The following KCNAB1 variants were observed in gnomAD, a reference collection of about 807,000 sequenced individuals.
KCNAB1 encodes voltage-gated potassium channel subunit beta-1.
A neutral mutation model predicts 64.6 loss-of-function variants in KCNAB1; 35 were observed. The ratio of observed to expected loss-of-function variants is 0.54; its 90% CI spans 0.41 to 0.72. The LOEUF is 0.72. KCNAB1 is among the 30% of genes least tolerant of loss of function. KCNAB1 has a pLI of 0.00. For missense variants in KCNAB1, 401 were observed against 512.9 expected (o/e 0.78, Z 2.11); for synonymous variants, 177 against 183.8 (o/e 0.96, Z 0.30).
intron 1 of KCNAB1, chr3:156,291,530 C>A (rs1560177785): frequency 1.8e-6 from 2 of 1,094,238 alleles, no homozygotes; most frequent in Non-Finnish European, 2.2e-6. Flanking sequence ...CGAAGGGCTG[C>A]GTGCAGTCAC....
intron 8 of KCNAB1, among the ~76,000 whole-genome samples, chr3:156,478,961 C>G (rs1329245477): frequency 1.3e-5 from 2 of 152,104 alleles, no homozygotes; most frequent in East Asian, 1.9e-4. Flanking sequence ...AATCTGCAAC[C>G]CCATGGAATA....
chr3:156,131,155 G>T (rs1477466751), intron 1 of KCNAB1, among the ~76,000 whole-genome samples: 1 of 152,184 alleles, frequency 6.6e-6, no homozygotes, highest in Non-Finnish European at 1.5e-5. Context: ...CTAATGTCCT[G>T]CCAGGGATTT....
chr3:156,172,477 G>A (rs564570886), intron 1 of KCNAB1, among the ~76,000 whole-genome samples: 4 of 152,154 alleles, frequency 2.6e-5, no homozygotes, highest in East Asian at 3.9e-4. Context: ...ACAGGGTTTC[G>A]CCATGTTGGC....
At chr3:156,307,588 T>C (rs1721590778) in intron 1 of KCNAB1, among the ~76,000 whole-genome samples, 1 of 152,116 alleles carries the variant, frequency 6.6e-6, no homozygotes, top group Admixed American at 6.5e-5. Context: ...ATTCTGGTGC[T>C]GTCATTTCCC....
intron 2 of KCNAB1, among the ~76,000 whole-genome samples, chr3:156,432,803 A>C (rs2108245838): frequency 6.6e-6 from 1 of 152,228 alleles, no homozygotes; most frequent in South Asian, 2.1e-4. Flanking sequence ...CTCTCTGAAG[A>C]ATAGAGGACA....
intron 2 of KCNAB1, among the ~76,000 whole-genome samples, chr3:156,434,186 G>C (rs138188998): frequency 1.1e-3 from 174 of 152,252 alleles, no homozygotes; most frequent in African/African-American, 3.9e-3. Flanking sequence ...TTGTGTGATT[G>C]GGAGTCATGA....
chr3:156,354,428 T>C (rs764430974), intron 1 of KCNAB1, among the ~76,000 whole-genome samples: 6 of 151,796 alleles, frequency 4.0e-5, no homozygotes, highest in Non-Finnish European at 5.9e-5. Context: ...CCCAAAGTGC[T>C]GGGATTACAG....
chr3:156,287,574 A>G (rs1319699966), intron 1 of KCNAB1, among the ~76,000 whole-genome samples: 1 of 152,130 alleles, frequency 6.6e-6, no homozygotes, highest in Non-Finnish European at 1.5e-5. Context: ...ACTCACACCT[A>G]TAATCCCCGT....
At chr3:156,521,156 G>T (rs1717916903) in intron 11 of KCNAB1, among the ~76,000 whole-genome samples, 1 of 152,222 alleles carries the variant, frequency 6.6e-6, no homozygotes, top group African/African-American at 2.4e-5. Flanking sequence ...AATATTTAAT[G>T]AGTATACCCA....
At chr3:156,143,566 C>CTTTTT in intron 1 of KCNAB1, 1 of 159,604 alleles carries the variant, frequency 6.3e-6, no homozygotes, top group Non-Finnish European at 1.0e-5. Context: ...GGGTTGCATT[C>CTTTTT]TTGTTTTTTT....
rs1166693938 is a variant in KCNAB1 at position 156,395,443 on chromosome 3, G to A, written c.276-26173G>A. 1.3e-4 allele frequency among the ~76,000 whole-genome samples: 19 copies of A among 147,858 alleles called. No individual in the cohort carries two copies. In the East Asian group the frequency reaches 3.8e-3, roughly 29 times the overall value. On this transcript the variant is annotated intron_variant, in intron 1 of 13. Transcript: ENST00000490337. ...GCCTGTAGTCCCAGCTACTTGGGAG[G>A]CTGAGGCAGGAGAATGGCGTGAACC...
chr3:156,302,152 A>G (rs1721190564), intron 1 of KCNAB1, among the ~76,000 whole-genome samples: 1 of 152,032 alleles, frequency 6.6e-6, no homozygotes, highest in African/African-American at 2.4e-5. Context: ...CATCATTCTA[A>G]TCTCCAGTTC....
intron 1 of KCNAB1, among the ~76,000 whole-genome samples, chr3:156,378,528 C>T (rs1711888932): frequency 1.3e-5 from 2 of 152,158 alleles, no homozygotes; most frequent in African/African-American, 2.4e-5. Context: ...CTTCCTTCTT[C>T]CTCAACCTTT....
intron 1 of KCNAB1, among the ~76,000 whole-genome samples, chr3:156,409,577 G>C (rs944847606): frequency 1.3e-5 from 2 of 152,154 alleles, no homozygotes; most frequent in African/African-American, 4.8e-5. Context: ...TCCCTTTCAT[G>C]TGTTTATGGG....
Position 156,120,902 on chromosome 3 carries a change from T to C in KCNAB1, c.275+16T>C, listed in dbSNP as rs1394122598. On this transcript the variant is annotated intron_variant, in intron 1 of 13. Coordinates refer to ENST00000490337, the MANE Select transcript of KCNAB1 (RefSeq NM_172160.3). ...TGCCGCACAGGTAAGCTGCCCCTGCTCTGCGCGGGCTTTGGGAGACGCCGT... is the reference window on the plus strand; with the variant it reads ...TGCCGCACAGGTAAGCTGCCCCTGCCCTGCGCGGGCTTTGGGAGACGCCGT... The C allele has an allele frequency of 1.2e-6, 2 of 1,611,758 alleles. No homozygotes were observed. Among genetic ancestry groups the C allele is most frequent in the Non-Finnish European group, 8.5e-7 (1 of 1,178,836 alleles).
intron 1 of KCNAB1, among the ~76,000 whole-genome samples, chr3:156,196,045 T>G (rs1246326341): frequency 6.6e-6 from 1 of 152,236 alleles, no homozygotes; most frequent in African/African-American, 2.4e-5. Context: ...AAATAGGGAA[T>G]CCTTTCCCCA....
At chr3:156,495,428 A>G (rs1715945179) in intron 8 of KCNAB1, among the ~76,000 whole-genome samples, 1 of 152,202 alleles carries the variant, frequency 6.6e-6, no homozygotes, top group Non-Finnish European at 1.5e-5. Flanking sequence ...ATACATGCAC[A>G]TGTATGTTCA....
chr3:156,129,729 A>G (rs1194705544), intron 1 of KCNAB1, among the ~76,000 whole-genome samples: 2 of 152,210 alleles, frequency 1.3e-5, no homozygotes, highest in African/African-American at 4.8e-5. Context: ...TTCCCCTTTG[A>G]AGTGCCATCA....
At chr3:156,130,941 T>G (rs1248924919) in intron 1 of KCNAB1, among the ~76,000 whole-genome samples, 1 of 152,236 alleles carries the variant, frequency 6.6e-6, no homozygotes, top group Non-Finnish European at 1.5e-5. Context: ...AGAAACTGTT[T>G]CCATCGAAAG....
Sources: allele counts gnomAD v4.1 joint callset (sites outside exome capture counted in the v4.1 genomes callset), GRCh38; gene constraint gnomAD v4.1.1; transcripts MANE v1.5; gene names NCBI Gene and HGNC (gene_info 2026-07-23, HGNC 2026-07-21).